The following ESRRG variants were observed in gnomAD, a reference collection of about 807,000 sequenced individuals.
ESRRG encodes estrogen related receptor gamma.
In ESRRG, 13 loss-of-function variants were observed where a neutral mutation model predicts 44.0. The ratio of observed to expected loss-of-function variants is 0.30; its 90% CI spans 0.19 to 0.47. The LOEUF is 0.47. ESRRG is among the 20% of genes least tolerant of loss of function. ESRRG has a pLI of 1.00. For synonymous variants in ESRRG, 215 were observed against 214.6 expected (o/e 1.00, Z -0.02); for missense variants, 395 against 580.6 (o/e 0.68, Z 3.29).
At chr1:217,133,896 G>T (rs1256485302) in intron 1 of ESRRG, among the ~76,000 whole-genome samples, 2 of 152,016 alleles carry the variant, frequency 1.3e-5, no homozygotes, top group African/African-American at 2.4e-5. Context: ...TCCAGCACCT[G>T]AATTCCAACA....
chr1:216,586,233 C>G lies in ESRRG; in HGVS notation c.590-18135G>C, dbSNP rs990784833. Among the ~76,000 whole-genome samples the G allele has an allele frequency of 5.3e-4, 80 of 152,156 alleles. 1 individual carries two copies. The highest frequency in any genetic ancestry group is 3.3e-3 in the Admixed American group (50 of 15,284). ...GTATAAGCCCAATTTCTGAAGTTAC[C>G]TGGGTCTCAGTTTCTTTACCAAAAC... is the stretch of plus-strand genomic sequence containing the variant. On this transcript the variant is annotated intron_variant, in intron 3 of 6. Transcript: ENST00000408911.
chr1:217,003,613 T>A (rs1379355526), intron 1 of ESRRG, among the ~76,000 whole-genome samples: 1 of 135,760 alleles, frequency 7.4e-6, no homozygotes, highest in African/African-American at 3.0e-5. Flanking sequence ...ATATTAATAC[T>A]AACATAAGGC....
intron 2 of ESRRG, among the ~76,000 whole-genome samples, chr1:216,910,571 A>C (rs1351899087): frequency 6.6e-6 from 1 of 152,228 alleles, no homozygotes; most frequent in African/African-American, 2.4e-5. Context: ...AAGTCACAGG[A>C]CTGGACAGAG....
At chr1:217,004,802 G>T (rs976371941) in intron 1 of ESRRG, among the ~76,000 whole-genome samples, 1 of 152,120 alleles carries the variant, frequency 6.6e-6, no homozygotes, top group Non-Finnish European at 1.5e-5. Flanking sequence ...CCTGTGAAAT[G>T]AGAATGATAT....
At chr1:216,997,971 G>T (rs1191731211) in intron 1 of ESRRG, among the ~76,000 whole-genome samples, 2 of 152,136 alleles carry the variant, frequency 1.3e-5, no homozygotes, top group East Asian at 1.9e-4. Flanking sequence ...CCATGCTCAG[G>T]AATTTTTTTT....
upstream of ESRRG, among the ~76,000 whole-genome samples, chr1:217,092,756 A>G (rs1438108917): frequency 1.3e-5 from 2 of 152,228 alleles, no homozygotes; most frequent in Admixed American, 6.5e-5. Flanking sequence ...ACATAGTGCT[A>G]AGTACAACAC....
At chr1:216,533,951 T>G (rs2050154360) in intron 5 of ESRRG, among the ~76,000 whole-genome samples, 1 of 152,184 alleles carries the variant, frequency 6.6e-6, no homozygotes, top group Non-Finnish European at 1.5e-5. Context: ...CATCCTCAGC[T>G]GGACCCAATG....
chr1:216,870,215 A>AT (rs1248343068), intron 2 of ESRRG, among the ~76,000 whole-genome samples: 1 of 144,970 alleles, frequency 6.9e-6, no homozygotes, highest in Non-Finnish European at 1.5e-5. Flanking sequence ...TTTGGCAAAC[A>AT]TTTTTTCTGC....
Position 216,748,396 on chromosome 1 carries a change from T to G in ESRRG, c.-13-70905A>C, listed in dbSNP as rs77485619. The stretch of plus-strand genomic sequence containing the variant: ...TTCCCAACTGCAGAAGCAAACACTT[T>G]GCCAGAAATTCCAAATAATTTAAAA... On this transcript the variant is annotated intron_variant, in intron 2 of 7. Coordinates refer to the ESRRG transcript ENST00000359162. Among the ~76,000 whole-genome samples the G allele has an allele frequency of 5.2e-3, 793 of 152,268 alleles. 5 individuals are homozygous for G. The highest frequency in any genetic ancestry group is 0.018 in the African/African-American group (745 of 41,554).
At chr1:217,072,853 T>C (rs188637610) in intron 1 of ESRRG, among the ~76,000 whole-genome samples, 38 of 152,276 alleles carry the variant, frequency 2.5e-4, no homozygotes, top group Middle Eastern at 3.4e-3. Flanking sequence ...GGGCAACTTA[T>C]TTATCTATTA....
chr1:217,007,528 G>A (rs1298108638), intron 1 of ESRRG, among the ~76,000 whole-genome samples: 5 of 152,102 alleles, frequency 3.3e-5, no homozygotes, highest in Non-Finnish European at 7.4e-5. Flanking sequence ...AACGATTATT[G>A]TCAAAAACCA....
chr1:216,605,882 A>G (rs1450087064), intron 3 of ESRRG, among the ~76,000 whole-genome samples: 1 of 152,086 alleles, frequency 6.6e-6, no homozygotes, highest in Non-Finnish European at 1.5e-5. Flanking sequence ...AATTAAAAAA[A>G]AAAAAAAGAC....
chr1:216,664,555 T>C (rs539954196), intron 2 of ESRRG, among the ~76,000 whole-genome samples: 1 of 151,100 alleles, frequency 6.6e-6, no homozygotes, highest in South Asian at 2.1e-4. Context: ...TATCCATATA[T>C]ATAAAATTAC....
intron 5 of ESRRG, among the ~76,000 whole-genome samples, chr1:216,536,980 G>A (rs1157540373): frequency 6.6e-6 from 1 of 151,970 alleles, no homozygotes; most frequent in Non-Finnish European, 1.5e-5. Flanking sequence ...TGGGAGAGGG[G>A]GTCAAGGAAA....
intron 1 of ESRRG, among the ~76,000 whole-genome samples, chr1:217,096,267 G>A (rs780294113): frequency 2.0e-5 from 3 of 152,144 alleles, no homozygotes; most frequent in Non-Finnish European, 4.4e-5. Context: ...CCTGGTTTTA[G>A]AAGGGAGAAA....
intron 1 of ESRRG, among the ~76,000 whole-genome samples, chr1:216,678,126 C>T (rs2076422125): frequency 6.6e-6 from 1 of 152,144 alleles, no homozygotes; most frequent in South Asian, 2.1e-4. Flanking sequence ...CACTTTGTTT[C>T]TTTATTTAAA....
intron 1 of ESRRG, among the ~76,000 whole-genome samples, chr1:217,070,550 T>C (rs1180636802): frequency 6.6e-6 from 1 of 152,116 alleles, no homozygotes; most frequent in Non-Finnish European, 1.5e-5. Context: ...CTGGCTAATT[T>C]TTGTGTTTTC....
At chr1:216,971,730 C>G (rs545069034) in intron 1 of ESRRG, among the ~76,000 whole-genome samples, 31 of 152,164 alleles carry the variant, frequency 2.0e-4, no homozygotes, top group Non-Finnish European at 4.3e-4. Context: ...AACAATGAGA[C>G]TGAACTAAAT....
intron 1 of ESRRG, among the ~76,000 whole-genome samples, chr1:216,960,130 G>A (rs893009875): frequency 1.0e-4 from 11 of 109,452 alleles, no homozygotes; most frequent in African/African-American, 3.0e-4. Flanking sequence ...AATAAAGTCT[G>A]TAATGTAAAA....
Sources: gnomAD v4.1 joint callset for allele counts (sites outside exome capture counted in the v4.1 genomes callset) on GRCh38, gnomAD v4.1.1 for gene constraint, MANE v1.5 for transcripts, NCBI Gene and HGNC (gene_info 2026-07-23, HGNC 2026-07-21) for gene names.